The following COL5A1 variants were observed in gnomAD, a reference collection of about 807,000 sequenced individuals.
COL5A1 encodes the protein collagen type V alpha 1 chain.
Under a neutral mutation model 263.7 loss-of-function variants are expected in COL5A1, and 16 were observed. The observed-to-expected ratio is 0.06, with a 90% CI of 0.04 to 0.09. The LOEUF (loss-of-function observed/expected upper bound fraction) is 0.09, where lower values mean the gene tolerates loss of function less well. Among genes scored for constraint, COL5A1 ranks in the 10% least tolerant of loss-of-function variants. The probability of loss-of-function intolerance (pLI) is 1.00; values close to 1 mark genes in which losing one functional copy is unlikely to be tolerated. For synonymous variants in COL5A1, 1,012 were observed against 1,004.5 expected, an observed-to-expected ratio of 1.01 and a Z score of -0.14; for missense variants, 2,036 against 2,540.5, an observed-to-expected ratio of 0.80 and a Z score of 4.27.
chr9:134,810,519 A>T (rs1838484656), intron 44 of COL5A1: 1 of 577,984 alleles, frequency 1.7e-6, no homozygotes, highest in South Asian at 2.3e-5. Flanking sequence ...GTTAGAATGA[A>T]CAGGAAGCAT....
In COL5A1 at chr9:134,818,583, G is replaced by A. The variant is rs979960525; in HGVS notation, c.4231-73G>A. ...TCCTCCAGAGGTGCCCAGGGTTTCC[G>A]AGCAGTGGTCCTGGGCCAGGGTGCC... On this transcript the variant is annotated intron_variant, in intron 54 of 65. Transcript: ENST00000371817. The surrounding 1 kb of genome is among the most constrained non-coding windows in gnomAD (Gnocchi z 6.0). 2.4e-4 allele frequency: 277 copies of A among 1,157,840 alleles called. 2 individuals carry two copies. The highest frequency in any genetic ancestry group is 3.3e-4 in the Admixed American group (17 of 51,302). 71.7% of individuals were successfully genotyped at this position (1,157,840 alleles called of 1,614,324 possible). A position where few individuals can be genotyped will look rare whatever the true frequency, so the allele number is the denominator to read the frequency against.
intron 4 of COL5A1, among the ~76,000 whole-genome samples, chr9:134,714,951 A>G (rs1240175454): frequency 6.6e-6 from 1 of 151,758 alleles, no homozygotes; most frequent in Non-Finnish European, 1.5e-5. Flanking sequence ...GGCCTGCCCC[A>G]CCACACCTGT....
chr9:134,689,744 G>T (rs952051821), intron 1 of COL5A1, among the ~76,000 whole-genome samples: 2 of 152,196 alleles, frequency 1.3e-5, no homozygotes, highest in African/African-American at 2.4e-5. Flanking sequence ...TGCTCTGATT[G>T]GCCAGCAGAG....
chr9:134,752,418 TC>T (rs1252552940), intron 13 of COL5A1, among the ~76,000 whole-genome samples, 170 bp from the exon 14 acceptor site: 5 of 9,484 alleles, frequency 5.3e-4, no homozygotes, highest in Admixed American at 1.4e-3. Flanking sequence ...CCCATCGAAG[TC>T]GGGGGGGGGG....
chr9:134,708,976 T>C (rs1318449625), intron 4 of COL5A1: 8 of 456,372 alleles, frequency 1.8e-5, no homozygotes, highest in Admixed American at 1.6e-4. Flanking sequence ...CTCTTCCCCC[T>C]GTGTCTCTCT....
At chr9:134,775,237 C>G (rs767902532) in intron 27 of COL5A1, among the ~76,000 whole-genome samples, 5 of 152,248 alleles carry the variant, frequency 3.3e-5, no homozygotes, top group Non-Finnish European at 7.3e-5. Context: ...TAATTGTTGC[C>G]ATTTGTCAGG....
chr9:134,679,909 C>G (rs1280799523), intron 1 of COL5A1, among the ~76,000 whole-genome samples: 2 of 151,964 alleles, frequency 1.3e-5, no homozygotes, highest in Non-Finnish European at 2.9e-5. Flanking sequence ...CCACTTTGCC[C>G]AGGACCATGG....
intron 9 of COL5A1, 29 bp downstream of exon 9, chr9:134,732,156 C>G (rs368762769): frequency 5.0e-6 from 8 of 1,613,132 alleles, no homozygotes; most frequent in Non-Finnish European, 5.9e-6. Flanking sequence ...TCCCTCCCTG[C>G]GCCGGGGTGT....
rs370010151 is a variant in COL5A1 at position 134,666,073 on chromosome 9, C to T, written c.109+23777C>T. Among the ~76,000 whole-genome samples, 483 of 151,992 alleles carry T rather than the reference C, an allele frequency of 3.2e-3. 14 individuals are homozygous for T. In the South Asian group the frequency reaches 0.067, roughly 21 times the overall value. On this transcript the variant is annotated intron_variant, in intron 1 of 65. Coordinates refer to ENST00000371817, the MANE Select transcript of COL5A1 (RefSeq NM_000093.5). The stretch of plus-strand genomic sequence containing the variant: ...CTGCACTCCAGCCTGGGTGACAGAG[C>T]GAGACTCCATCTCGAAATAAAATAA...
At chr9:134,719,796 G>C (rs1834390953) in intron 4 of COL5A1, among the ~76,000 whole-genome samples, 1 of 152,242 alleles carries the variant, frequency 6.6e-6, no homozygotes, top group Non-Finnish European at 1.5e-5. Context: ...GGGTGGAGAA[G>C]GGGCGTGTCT....
chr9:134,834,069 A>AG (rs1182615323), intron 64 of COL5A1, among the ~76,000 whole-genome samples: 2 of 152,128 alleles, frequency 1.3e-5, no homozygotes, highest in Non-Finnish European at 2.9e-5. Context: ...GCAGTGGCTC[A>AG]GGGGCAGAAG....
chr9:134,706,717 C>G (rs1368238959), intron 4 of COL5A1, among the ~76,000 whole-genome samples: 1 of 152,242 alleles, frequency 6.6e-6, no homozygotes, highest in Non-Finnish European at 1.5e-5. Context: ...TCAGGCTGGC[C>G]TGACAGCACT....
chr9:134,651,496 G>A (rs116995524), intron 1 of COL5A1, among the ~76,000 whole-genome samples: 17,030 of 152,150 alleles, frequency 0.11, 1,156 homozygotes, highest in South Asian at 0.13. Context: ...GACAGAGTGA[G>A]ACCCTGTCTA....
At chr9:134,711,503 A>G (rs1834041806) in intron 4 of COL5A1, among the ~76,000 whole-genome samples, 1 of 152,122 alleles carries the variant, frequency 6.6e-6, no homozygotes, top group African/African-American at 2.4e-5. Context: ...ACTGCACCCC[A>G]TGGTGCCCAA....
At chr9:134,673,108 C>T (rs1250765526) in intron 1 of COL5A1, among the ~76,000 whole-genome samples, 2 of 152,078 alleles carry the variant, frequency 1.3e-5, no homozygotes, top group Non-Finnish European at 2.9e-5. Context: ...TCTATAGATT[C>T]AATTCAATGT....
At chr9:134,693,159 C>G (rs1833342177) in intron 2 of COL5A1, among the ~76,000 whole-genome samples, 1 of 152,150 alleles carries the variant, frequency 6.6e-6, no homozygotes, top group Non-Finnish European at 1.5e-5. Context: ...AGCAGGGACC[C>G]CATCCCTGAG....
chr9:134,680,866 G>A lies in COL5A1; in HGVS notation c.110-10046G>A, dbSNP rs891222815. On this transcript the variant is annotated intron_variant, in intron 1 of 65. Transcript: ENST00000371817. The surrounding 1 kb of genome is among the most constrained non-coding windows in gnomAD (Gnocchi z 5.9). ...GTGGGTGCATGGAACCTGCTTTGGCGAAGTGGCAGTGAGCGCAGGGACAGG... is the reference window on the plus strand; with the variant it reads ...GTGGGTGCATGGAACCTGCTTTGGCAAAGTGGCAGTGAGCGCAGGGACAGG... 1.3e-5 allele frequency among the ~76,000 whole-genome samples: 2 copies of A among 152,168 alleles called. No individual in the cohort carries two copies. Among genetic ancestry groups the A allele is most frequent in the Admixed American group, 6.5e-5 (1 of 15,290 alleles).
At chr9:134,767,632 A>C (rs1301074306) in intron 24 of COL5A1, among the ~76,000 whole-genome samples, 3 of 152,246 alleles carry the variant, frequency 2.0e-5, no homozygotes, top group East Asian at 3.8e-4. Context: ...ACATGCAGTT[A>C]AATTTGAACT....
chr9:134,779,509 A>G (rs951759744), intron 27 of COL5A1, among the ~76,000 whole-genome samples: 1 of 152,192 alleles, frequency 6.6e-6, no homozygotes, highest in African/African-American at 2.4e-5. Context: ...AATACATGGC[A>G]CTGGGCTTCT....
Sources: gnomAD v4.1 joint callset for allele counts (sites outside exome capture counted in the v4.1 genomes callset) on GRCh38, gnomAD v4.1.1 for gene constraint, Gnocchi (gnomAD v3.1) non-coding constraint, MANE v1.5 for transcripts, NCBI Gene and HGNC (gene_info 2026-07-23, HGNC 2026-07-21) for gene names.